Variants in ZNF385D observed in about 807,000 individuals in gnomAD.
ZNF385D encodes the protein zinc finger protein 659.
In ZNF385D, 15 loss-of-function variants were observed where a neutral mutation model predicts 35.8. The observed-to-expected ratio is 0.42, with a 90% confidence interval of 0.28 to 0.64. The LOEUF is 0.64. Ranked by LOEUF, ZNF385D falls within the 30% of genes least tolerant of loss-of-function variation. ZNF385D has a pLI of 0.23. For missense variants in ZNF385D, 474 were observed against 494.6 expected, an observed-to-expected ratio of 0.96 and a Z score of 0.39; for synonymous variants, 212 against 186.8, an observed-to-expected ratio of 1.13 and a Z score of -1.10.
chr3:21,930,332 A>C (rs1243495949), intron 3 of ZNF385D, among the ~76,000 whole-genome samples: 1 of 151,994 alleles, frequency 6.6e-6, no homozygotes, highest in African/African-American at 2.4e-5. Context: ...ACCAAATCTA[A>C]AAAACCTTTG....
At chr3:21,856,790 G>C (rs550472272) in intron 3 of ZNF385D, among the ~76,000 whole-genome samples, 1 of 152,172 alleles carries the variant, frequency 6.6e-6, no homozygotes, top group Admixed American at 6.6e-5. Flanking sequence ...GCTCATAGGT[G>C]CTCAATAATG....
intron 2 of ZNF385D, among the ~76,000 whole-genome samples, chr3:22,359,670 CAAG>C (rs1039333742): frequency 6.6e-6 from 1 of 151,656 alleles, no homozygotes; most frequent in Non-Finnish European, 1.5e-5. Context: ...ACAGTCATGT[CAAG>C]AAGAAGTGGA....
intron 3 of ZNF385D, among the ~76,000 whole-genome samples, chr3:22,084,842 C>A (rs968716537): frequency 1.2e-4 from 18 of 152,116 alleles, no homozygotes; most frequent in African/African-American, 4.1e-4. Flanking sequence ...CACTCCTCAG[C>A]AATGTAAAAG....
At chr3:21,726,639 G>C (rs1218632077) in intron 1 of ZNF385D, among the ~76,000 whole-genome samples, 1 of 152,080 alleles carries the variant, frequency 6.6e-6, no homozygotes. Flanking sequence ...ACCTCTTCAA[G>C]AACTACAAAC....
At chr3:22,151,880 G>A (rs1465510682) in intron 3 of ZNF385D, among the ~76,000 whole-genome samples, 1 of 152,042 alleles carries the variant, frequency 6.6e-6, no homozygotes, top group Non-Finnish European at 1.5e-5. Context: ...TTAGGTTTAG[G>A]GGTACATGTG....
intron 2 of ZNF385D, among the ~76,000 whole-genome samples, chr3:22,200,491 C>A (rs1576485513): frequency 6.6e-6 from 1 of 151,992 alleles, no homozygotes; most frequent in East Asian, 1.9e-4. Context: ...TAGAATATCA[C>A]AAGTCAAATG....
chr3:21,787,911 C>G (rs1459239899), intron 3 of ZNF385D, among the ~76,000 whole-genome samples: 2 of 129,432 alleles, frequency 1.5e-5, no homozygotes, highest in Admixed American at 9.5e-5. Context: ...CACTGCACTC[C>G]AGCCTGGGCG....
intron 2 of ZNF385D, among the ~76,000 whole-genome samples, chr3:22,320,874 A>C (rs961592301): frequency 3.9e-5 from 6 of 151,972 alleles, no homozygotes; most frequent in Non-Finnish European, 8.8e-5. Context: ...TTATGACAGC[A>C]TATTTAAATT....
chr3:22,358,260 C>A (rs530041259), intron 2 of ZNF385D, among the ~76,000 whole-genome samples: 1 of 151,954 alleles, frequency 6.6e-6, no homozygotes, highest in East Asian at 1.9e-4. Flanking sequence ...AGATACTGCC[C>A]TTTCCAAAAG....
At chr3:21,576,731 C>G (rs900422758) in intron 2 of ZNF385D, among the ~76,000 whole-genome samples, 3 of 152,012 alleles carry the variant, frequency 2.0e-5, no homozygotes, top group Non-Finnish European at 4.4e-5. Flanking sequence ...TTTATTGAAA[C>G]TTCTCACTTT....
chr3:22,327,214 G>C (rs1021224798), intron 2 of ZNF385D, among the ~76,000 whole-genome samples: 1 of 151,994 alleles, frequency 6.6e-6, no homozygotes, highest in Non-Finnish European at 1.5e-5. Context: ...AAATCCATTC[G>C]AAAACTGGTA....
At chr3:22,219,303 C>T (rs763297466) in intron 2 of ZNF385D, among the ~76,000 whole-genome samples, 4 of 152,206 alleles carry the variant, frequency 2.6e-5, no homozygotes, top group African/African-American at 9.6e-5. Context: ...CTCCCTGCCT[C>T]TCTCCCCAAC....
At chr3:22,225,673 A>G (rs1174065293) in intron 2 of ZNF385D, among the ~76,000 whole-genome samples, 3 of 152,020 alleles carry the variant, frequency 2.0e-5, no homozygotes, top group South Asian at 2.1e-4. Context: ...TCACTTTCCC[A>G]TTTCTTTACT....
chr3:21,661,798 T>C (rs2066244641), intron 2 of ZNF385D, among the ~76,000 whole-genome samples: 1 of 152,158 alleles, frequency 6.6e-6, no homozygotes, highest in African/African-American at 2.4e-5. Context: ...TACCTATAAC[T>C]CAGCTCTGAT....
intron 2 of ZNF385D, among the ~76,000 whole-genome samples, chr3:22,331,403 CA>C (rs1198865597): frequency 9.2e-5 from 14 of 152,146 alleles, no homozygotes; most frequent in African/African-American, 3.4e-4. Context: ...TGGTTATAAA[CA>C]GTAATATGAA....
chr3:21,588,869 G>C (rs1445424356), intron 2 of ZNF385D, among the ~76,000 whole-genome samples: 2 of 152,110 alleles, frequency 1.3e-5, no homozygotes, highest in Non-Finnish European at 2.9e-5. Context: ...CAACAGATCT[G>C]AAGCCTACAA....
chr3:21,979,761 A>G (rs1210971951), intron 3 of ZNF385D: 3 of 152,182 alleles, frequency 2.0e-5, no homozygotes, highest in Admixed American at 2.0e-4. Flanking sequence ...AGATAAGTAG[A>G]GAAAGAAAGC....
At chr3:21,758,239 C>A (rs1289834657) in intron 3 of ZNF385D, among the ~76,000 whole-genome samples, 1 of 152,130 alleles carries the variant, frequency 6.6e-6, no homozygotes, top group Non-Finnish European at 1.5e-5. Context: ...TCTTATGAGT[C>A]AAGGAAAATA....
At chr3:22,210,127 T>C (rs1697424791) in intron 2 of ZNF385D, among the ~76,000 whole-genome samples, 1 of 151,804 alleles carries the variant, frequency 6.6e-6, no homozygotes, top group African/African-American at 2.4e-5. Flanking sequence ...GAAAAGATTG[T>C]GTGGAAGGCA....
Sources: gnomAD v4.1 joint callset for allele counts (sites outside exome capture counted in the v4.1 genomes callset) on GRCh38, gnomAD v4.1.1 for gene constraint, MANE v1.5 for transcripts, NCBI Gene and HGNC (gene_info 2026-07-23, HGNC 2026-07-21) for gene names.